Variants in PPP2R2C observed in about 807,000 individuals in gnomAD.
PPP2R2C encodes protein phosphatase 2, regulatory subunit B, gamma.
A neutral mutation model predicts 45.3 loss-of-function variants in PPP2R2C; 10 were observed. The ratio of observed to expected loss-of-function variants is 0.22; its 90% CI spans 0.14 to 0.37. The LOEUF is 0.37. PPP2R2C is among the 10% of genes least tolerant of loss of function. The probability of loss-of-function intolerance (pLI) is 1.00; values close to 1 mark genes in which losing one functional copy is unlikely to be tolerated. For synonymous variants in PPP2R2C, 257 were observed against 245.4 expected (o/e 1.05, Z -0.44); for missense variants, 308 against 619.7 (o/e 0.50, Z 5.34).
At chr4:6,357,149 G>C (rs952727883) in intron 5 of PPP2R2C, among the ~76,000 whole-genome samples, 2 of 147,580 alleles carry the variant, frequency 1.4e-5, no homozygotes, top group Non-Finnish European at 3.0e-5. Flanking sequence ...CCTCGGGTCA[G>C]TCTCAGCCTC....
At chr4:6,387,969 G>T (rs1400058645) in intron 1 of PPP2R2C, among the ~76,000 whole-genome samples, 1 of 152,228 alleles carries the variant, frequency 6.6e-6, no homozygotes, top group South Asian at 2.1e-4. Flanking sequence ...CTAAGTGGCA[G>T]GGCCTTTGGC....
upstream of PPP2R2C, among the ~76,000 whole-genome samples, chr4:6,476,816 G>C (rs1192844127): frequency 6.6e-6 from 1 of 152,132 alleles, no homozygotes; most frequent in Admixed American, 6.6e-5. Context: ...ATATGTAACT[G>C]TAATTTATTC....
chr4:6,391,140 A>C (rs1716603029), intron 1 of PPP2R2C, among the ~76,000 whole-genome samples: 1 of 152,078 alleles, frequency 6.6e-6, no homozygotes. Flanking sequence ...CTGCCCACCC[A>C]CGTAACCTGG....
intron 1 of PPP2R2C, among the ~76,000 whole-genome samples, chr4:6,394,353 C>T (rs547240639): frequency 6.6e-6 from 1 of 152,360 alleles, no homozygotes; most frequent in South Asian, 2.1e-4. Flanking sequence ...ACAGAAGTGT[C>T]TGGCACCAAG....
At chr4:6,411,344 T>G (rs1718178643) in intron 1 of PPP2R2C, among the ~76,000 whole-genome samples, 1 of 152,106 alleles carries the variant, frequency 6.6e-6, no homozygotes, top group African/African-American at 2.4e-5. Flanking sequence ...CTCACAGGGC[T>G]GGAATGAATA....
Position 6,359,991 on chromosome 4 carries a change from T to G in PPP2R2C, c.626-11981A>C, listed in dbSNP as rs553029184. On this transcript the variant is annotated intron_variant, in intron 5 of 8. Transcript: ENST00000382599. ...AGCAGTGTGCAAATACTGGTTCACC[T>G]CATGATGGGCCCCAGTGGAGATCCC... 3.3e-5 allele frequency among the ~76,000 whole-genome samples: 5 copies of G among 152,318 alleles called. No individual in the cohort carries two copies. In the East Asian group the frequency reaches 7.7e-4, roughly 23 times the overall value.
intron 6 of PPP2R2C, among the ~76,000 whole-genome samples, chr4:6,347,340 CT>C (rs1712068467): frequency 6.6e-6 from 1 of 152,130 alleles, no homozygotes; most frequent in Non-Finnish European, 1.5e-5. Context: ...ACGGATACCC[CT>C]GTGGGACCCC....
upstream of PPP2R2C, among the ~76,000 whole-genome samples, chr4:6,476,953 T>G (rs1722166126): frequency 6.6e-6 from 1 of 152,208 alleles, no homozygotes; most frequent in Non-Finnish European, 1.5e-5. Context: ...GGCTCAGCAT[T>G]CATGTGTACA....
At chr4:6,335,885 C>A (rs1732807657) in intron 6 of PPP2R2C, among the ~76,000 whole-genome samples, 1 of 152,130 alleles carries the variant, frequency 6.6e-6, no homozygotes, top group African/African-American at 2.4e-5. Context: ...GGCCTCCAAA[C>A]ACCTGTCTCT....
intron 2 of PPP2R2C, among the ~76,000 whole-genome samples, chr4:6,502,515 C>A (rs1723093002): frequency 6.6e-6 from 1 of 151,916 alleles, no homozygotes; most frequent in African/African-American, 2.4e-5. Flanking sequence ...CTCTCCCTCT[C>A]TCCCTCCCTC....
rs74706027 is a variant in PPP2R2C, at chr4:6,364,568, C to T, written c.625+7955G>A. 1.4e-4 allele frequency among the ~76,000 whole-genome samples: 22 copies of T among 152,124 alleles called. No individual in the cohort carries two copies. The highest frequency in any genetic ancestry group is 3.9e-4 in the East Asian group (2 of 5,176). ...CTAATGAAGCAATGATGCTGCAGCTCGGTGATTTGCCAGGCACTGCCCTAA... is the reference window on the plus strand; with the variant it reads ...CTAATGAAGCAATGATGCTGCAGCTTGGTGATTTGCCAGGCACTGCCCTAA... On this transcript the variant is annotated intron_variant, in intron 5 of 8. Coordinates refer to ENST00000382599, the MANE Select transcript of PPP2R2C (RefSeq NM_020416.4). The surrounding 1 kb of genome is among the most constrained non-coding windows in gnomAD (Gnocchi z 5.3).
chr4:6,488,915 C>G (rs1210078943), intron 2 of PPP2R2C, among the ~76,000 whole-genome samples: 1 of 152,178 alleles, frequency 6.6e-6, no homozygotes, highest in Non-Finnish European at 1.5e-5. Flanking sequence ...ATCACAGGTC[C>G]TTTTGGGGGT....
chr4:6,432,502 T>C (rs2109412403), intron 1 of PPP2R2C, among the ~76,000 whole-genome samples: 1 of 152,292 alleles, frequency 6.6e-6, no homozygotes, highest in Non-Finnish European at 1.5e-5. Context: ...TGGAATTCCC[T>C]GAACACACAC....
chr4:6,419,643 G>A (rs541401310), intron 1 of PPP2R2C, among the ~76,000 whole-genome samples: 1 of 152,162 alleles, frequency 6.6e-6, no homozygotes, highest in Non-Finnish European at 1.5e-5. Context: ...TCAGTGTCCT[G>A]TGGCTGCTGT....
chr4:6,431,834 G>A (rs540361508), intron 1 of PPP2R2C, among the ~76,000 whole-genome samples: 4 of 152,252 alleles, frequency 2.6e-5, no homozygotes, highest in African/African-American at 9.6e-5. Context: ...TGCTCCCACA[G>A]AATACTACAG....
chr4:6,505,669 T>C lies in PPP2R2C; in HGVS notation c.49+29602A>G, dbSNP rs1243742328. On this transcript the variant is annotated intron_variant, in intron 2 of 9. Coordinates refer to the PPP2R2C transcript ENST00000506140. Reference sequence around the variant, plus strand: ...TAGATAAATTAAAATGCAATTTTTATAAATCCAAGAATAAGGCCAGCTGTG... The same window carrying C: ...TAGATAAATTAAAATGCAATTTTTACAAATCCAAGAATAAGGCCAGCTGTG... Among the ~76,000 whole-genome samples, 4 of 152,232 alleles carry C rather than the reference T, an allele frequency of 2.6e-5. No homozygotes were observed. In the East Asian group the frequency reaches 7.7e-4, roughly 29 times the overall value.
chr4:6,549,778 G>A (rs1577253325), intron 1 of PPP2R2C, among the ~76,000 whole-genome samples: 1 of 152,202 alleles, frequency 6.6e-6, no homozygotes, highest in Non-Finnish European at 1.5e-5. Context: ...CCCACGTAGG[G>A]CCTGGCACAC....
At chr4:6,488,119 C>T (rs1427608939) in intron 2 of PPP2R2C, among the ~76,000 whole-genome samples, 1 of 152,110 alleles carries the variant, frequency 6.6e-6, no homozygotes, top group African/African-American at 2.4e-5. Context: ...CCAATCTTTC[C>T]TCTAGCTTTT....
At chr4:6,350,844 G>T (rs1712484470) in intron 5 of PPP2R2C, 1 of 985,320 alleles carries the variant, frequency 1.0e-6, no homozygotes, top group Non-Finnish European at 1.2e-6. Flanking sequence ...AAGCCAGCCT[G>T]TGACGGCCAC....
Sources: gnomAD v4.1 joint callset for allele counts (sites outside exome capture counted in the v4.1 genomes callset) on GRCh38, gnomAD v4.1.1 for gene constraint, Gnocchi (gnomAD v3.1) non-coding constraint, MANE v1.5 for transcripts, NCBI Gene and HGNC (gene_info 2026-07-23, HGNC 2026-07-21) for gene names.